CSMD1: variants seen among roughly 807,000 people sequenced by gnomAD.
CSMD1 encodes the protein CUB and sushi domain-containing protein 1.
CSMD1 carries 213 observed loss-of-function variants against 417.5 expected under a neutral mutation model. The observed-to-expected ratio is 0.51, with a 90% CI of 0.46 to 0.57. The LOEUF (loss-of-function observed/expected upper bound fraction) is 0.57. Ranked by LOEUF, CSMD1 falls within the 20% of genes least tolerant of loss-of-function variation. The probability of loss-of-function intolerance (pLI) is 0.00; values close to 1 mark genes in which losing one functional copy is unlikely to be tolerated. For synonymous variants in CSMD1, 2,862 were observed against 1,736.8 expected, an observed-to-expected ratio of 1.65 and a Z score of -16.11; for missense variants, 6,923 against 4,529.7, an observed-to-expected ratio of 1.53 and a Z score of -15.17.
chr8:3,294,412 C>T (rs1406330696), intron 25 of CSMD1, among the ~76,000 whole-genome samples: 1 of 152,220 alleles, frequency 6.6e-6, no homozygotes, highest in Non-Finnish European at 1.5e-5. Flanking sequence ...CTGTGCCCTG[C>T]CTGCAGAGGT....
intron 1 of CSMD1, among the ~76,000 whole-genome samples, chr8:4,862,347 C>T (rs1802187500): frequency 6.6e-6 from 1 of 152,030 alleles, no homozygotes; most frequent in African/African-American, 2.4e-5. Flanking sequence ...GAGGGCTTTG[C>T]ACAGATGGAG....
chr8:4,270,065 C>G (rs1187601761), intron 3 of CSMD1, among the ~76,000 whole-genome samples: 1 of 152,104 alleles, frequency 6.6e-6, no homozygotes, highest in Non-Finnish European at 1.5e-5. Flanking sequence ...TATTGAAAAG[C>G]TTCTGAGGAG....
At chr8:3,484,158 A>G (rs555281176) in intron 11 of CSMD1, among the ~76,000 whole-genome samples, 1 of 152,360 alleles carries the variant, frequency 6.6e-6, no homozygotes, top group East Asian at 1.9e-4. Flanking sequence ...TAAAGTGAGA[A>G]ACATCACTCC....
chr8:3,049,440 G>A (rs560067522), intron 50 of CSMD1, among the ~76,000 whole-genome samples: 1 of 152,188 alleles, frequency 6.6e-6, no homozygotes, highest in African/African-American at 2.4e-5. Context: ...AAATCATGGA[G>A]GAAACTTAAA....
intron 5 of CSMD1, among the ~76,000 whole-genome samples, chr8:3,777,913 A>G (rs536135839): frequency 6.6e-6 from 1 of 151,194 alleles, no homozygotes; most frequent in South Asian, 2.1e-4. Flanking sequence ...CCCACTCCAG[A>G]CCCGCAGCCT....
Position 4,441,847 on chromosome 8 carries a change from C to A in CSMD1, c.303-21782G>T, listed in dbSNP as rs1009836554. On this transcript the variant is annotated intron_variant, in intron 2 of 69. Transcript: ENST00000635120. Reference sequence around the variant, plus strand: ...GAAGTTTGAGTAATAAAAGCATGAACGAAAATTCCAGAAAGATTTGAGTTA... The same window carrying A: ...GAAGTTTGAGTAATAAAAGCATGAAAGAAAATTCCAGAAAGATTTGAGTTA... Among the ~76,000 whole-genome samples, 5 of 152,100 alleles carry A rather than the reference C, an allele frequency of 3.3e-5. No homozygotes were observed. In the East Asian group the frequency reaches 7.7e-4, roughly 24 times the overall value.
intron 5 of CSMD1, among the ~76,000 whole-genome samples, chr8:3,967,496 G>C (rs192119525): frequency 3.1e-4 from 47 of 152,022 alleles, no homozygotes; most frequent in Middle Eastern, 3.4e-3. Flanking sequence ...TGAAATACAT[G>C]TGTTGCGGAC....
At chr8:4,717,165 T>C (rs1251088278) in intron 1 of CSMD1, among the ~76,000 whole-genome samples, 1 of 151,624 alleles carries the variant, frequency 6.6e-6, no homozygotes, top group Non-Finnish European at 1.5e-5. Flanking sequence ...TACAGTGAGA[T>C]ATTTGGGAGT....
chr8:3,057,993 C>T (rs534165222), intron 49 of CSMD1, among the ~76,000 whole-genome samples: 4 of 152,286 alleles, frequency 2.6e-5, no homozygotes, highest in South Asian at 2.1e-4. Flanking sequence ...CAAGTATCCA[C>T]GCCGCCCAGT....
intron 41 of CSMD1, chr8:3,128,504 A>G: frequency 4.4e-6 from 1 of 226,868 alleles, no homozygotes; most frequent in Non-Finnish European, 8.8e-6. Context: ...TGTATGATTT[A>G]TGCATCTTCT....
At chr8:4,057,207 T>A (rs1006341378) in intron 3 of CSMD1, among the ~76,000 whole-genome samples, 3 of 152,178 alleles carry the variant, frequency 2.0e-5, no homozygotes, top group Non-Finnish European at 4.4e-5. Flanking sequence ...GTTTCCTGAC[T>A]TTTTAATGAT....
rs145666056 is a variant in CSMD1 at position 4,678,407 on chromosome 8, T to A, written c.86-40849A>T. ...GCCTGGGCAACAGAGCAAGACTCTG[T>A]CTCAACAACAAAAAAAAAGAATTTG... On this transcript the variant is annotated intron_variant, in intron 1 of 69. Transcript: ENST00000635120. Among the ~76,000 whole-genome samples the A allele has an allele frequency of 7.1e-3, 1,070 of 151,514 alleles. 12 individuals are homozygous for A. Among genetic ancestry groups the A allele is most frequent in the Middle Eastern group, 0.027 (8 of 294 alleles).
intron 23 of CSMD1, among the ~76,000 whole-genome samples, chr8:3,338,160 C>A (rs1431763861): frequency 6.6e-6 from 1 of 152,172 alleles, no homozygotes; most frequent in Non-Finnish European, 1.5e-5. Flanking sequence ...AAACCAGCCA[C>A]AAGACACAAC....
At chr8:3,460,500 G>T (rs1014776050) in intron 12 of CSMD1, among the ~76,000 whole-genome samples, 1 of 152,048 alleles carries the variant, frequency 6.6e-6, no homozygotes, top group Non-Finnish European at 1.5e-5. Flanking sequence ...CTGGACCCCT[G>T]TGTGTGAGCA....
chr8:4,016,469 G>A (rs918606515), intron 4 of CSMD1, among the ~76,000 whole-genome samples: 2 of 152,110 alleles, frequency 1.3e-5, no homozygotes, highest in South Asian at 2.1e-4. Flanking sequence ...TCAGGCCTCT[G>A]CCCAAGAATG....
intron 33 of CSMD1, among the ~76,000 whole-genome samples, chr8:3,191,177 GGGTGCAGT>G (rs1268496068): frequency 6.6e-6 from 1 of 152,182 alleles, no homozygotes; most frequent in Non-Finnish European, 1.5e-5. Flanking sequence ...AGCCCCAGCC[GGGTGCAGT>G]GGCGCAAGCC....
intron 10 of CSMD1, among the ~76,000 whole-genome samples, chr8:3,543,224 G>C (rs533967302): frequency 6.6e-6 from 1 of 152,236 alleles, no homozygotes; most frequent in African/African-American, 2.4e-5. Flanking sequence ...CAAGGGAGGT[G>C]GGAGAAGCCC....
At chr8:4,580,425 C>T (rs1799357589) in intron 2 of CSMD1, among the ~76,000 whole-genome samples, 1 of 152,080 alleles carries the variant, frequency 6.6e-6, no homozygotes, top group South Asian at 2.1e-4. Context: ...ATATTAAAAG[C>T]ATAAAAAAAA....
intron 2 of CSMD1, among the ~76,000 whole-genome samples, chr8:4,609,582 C>T (rs2725044): frequency 0.49 from 74,694 of 152,028 alleles, 19,684 homozygotes; most frequent in African/African-American, 0.7. Flanking sequence ...AATAAACAGC[C>T]ACTGCCATCA....
Sources: gnomAD v4.1 joint callset for allele counts (sites outside exome capture counted in the v4.1 genomes callset) on GRCh38, gnomAD v4.1.1 for gene constraint, MANE v1.5 for transcripts, NCBI Gene and HGNC (gene_info 2026-07-23, HGNC 2026-07-21) for gene names.